The following FMN1 variants were observed in gnomAD, a reference collection of about 807,000 sequenced individuals.
FMN1 encodes formin-1.
In FMN1, 110 loss-of-function variants were observed where a neutral mutation model predicts 132.4. The ratio of observed to expected loss-of-function variants is 0.83; its 90% CI spans 0.71 to 0.97. FMN1 has a LOEUF of 0.97. FMN1 is among the 50% of genes least tolerant of loss of function. FMN1 has a pLI of 0.00. For synonymous variants in FMN1, 722 were observed against 651.7 expected (o/e 1.11, Z -1.64); for missense variants, 1,792 against 1,705.3 (o/e 1.05, Z -0.90).
At chr15:32,916,344 A>T (rs2060683266) in intron 10 of FMN1, among the ~76,000 whole-genome samples, 1 of 152,222 alleles carries the variant, frequency 6.6e-6, no homozygotes. Context: ...CCATGCCCAT[A>T]TAAACAAAGA....
chr15:33,125,397 G>T (rs993293999), intron 4 of FMN1, among the ~76,000 whole-genome samples: 7 of 152,072 alleles, frequency 4.6e-5, no homozygotes, highest in African/African-American at 1.7e-4. Flanking sequence ...TTGAAGAAAG[G>T]TAGACTCTTC....
rs561592897 is a variant in FMN1 at position 32,977,513 on chromosome 15, T to G, written c.2224-8036A>C. ...TCAAAGACTTGAGTTCTATTCCTGG[T>G]TATCTCAATCATTAGTTACTTGCTC... On this transcript the variant is annotated intron_variant, in intron 7 of 20. Coordinates refer to ENST00000616417, the MANE Select transcript of FMN1 (RefSeq NM_001277313.2). 9.2e-5 allele frequency among the ~76,000 whole-genome samples: 14 copies of G among 152,358 alleles called. No homozygotes were observed. In the South Asian group the frequency reaches 2.7e-3, roughly 29 times the overall value.
At chr15:33,124,818 A>C (rs1414242116) in intron 4 of FMN1, among the ~76,000 whole-genome samples, 1 of 151,062 alleles carries the variant, frequency 6.6e-6, no homozygotes, top group African/African-American at 2.4e-5. Context: ...ATTCAATACT[A>C]GATGAAAAAA....
At chr15:32,893,835 T>C (rs193102754) in intron 15 of FMN1, among the ~76,000 whole-genome samples, 8 of 152,344 alleles carry the variant, frequency 5.3e-5, no homozygotes, top group Admixed American at 5.2e-4. Context: ...ACCACAACTA[T>C]ATTCCACAGG....
At chr15:33,064,779 G>A (rs998219896) in intron 6 of FMN1, 178 bp downstream of exon 6, 2 of 444,260 alleles carry the variant, frequency 4.5e-6, no homozygotes, top group Non-Finnish European at 8.0e-6. Context: ...ATCTTTCAGA[G>A]GCTCGTTAAC....
At chr15:32,891,341 G>A (rs772198105) in intron 15 of FMN1, among the ~76,000 whole-genome samples, 75 of 152,256 alleles carry the variant, frequency 4.9e-4, no homozygotes, top group Middle Eastern at 3.4e-3. Context: ...TCTACCTCCC[G>A]GGTTCACGCC....
intron 15 of FMN1, among the ~76,000 whole-genome samples, chr15:32,893,599 A>C (rs2060084699): frequency 6.6e-6 from 1 of 152,252 alleles, no homozygotes; most frequent in Non-Finnish European, 1.5e-5. Context: ...CATCACCACT[A>C]ACCAAAAAAG....
At chr15:33,137,305 C>T (rs12442498) in intron 4 of FMN1, among the ~76,000 whole-genome samples, 56,583 of 151,948 alleles carry the variant, frequency 0.37, 11,783 homozygotes, top group South Asian at 0.49. Context: ...GGGACCTTCA[C>T]TGTTGCCTGC....
chr15:33,043,530 CCT>C (rs1422329573), intron 6 of FMN1, among the ~76,000 whole-genome samples: 4 of 152,208 alleles, frequency 2.6e-5, no homozygotes, highest in African/African-American at 7.2e-5. Context: ...CTGGGGACTC[CCT>C]GATTCACGAA....
chr15:33,091,735 A>G (rs1416596197), intron 4 of FMN1, among the ~76,000 whole-genome samples: 1 of 152,238 alleles, frequency 6.6e-6, no homozygotes, highest in Non-Finnish European at 1.5e-5. Flanking sequence ...TCAGTCAAAA[A>G]TAAAGCACGT....
intron 8 of FMN1, among the ~76,000 whole-genome samples, chr15:32,968,140 G>A (rs1323729854): frequency 2.0e-5 from 3 of 152,224 alleles, no homozygotes; most frequent in Non-Finnish European, 2.9e-5. Flanking sequence ...AGGAAGATGT[G>A]AGAGTACTTA....
chr15:32,986,471 T>C (rs1393967723), intron 7 of FMN1, among the ~76,000 whole-genome samples: 4 of 152,166 alleles, frequency 2.6e-5, no homozygotes, highest in African/African-American at 9.6e-5. Flanking sequence ...TCTGATGTAA[T>C]ATTTAAAAAC....
chr15:32,796,678 G>C (rs2057300864), intron 19 of FMN1, among the ~76,000 whole-genome samples: 1 of 152,174 alleles, frequency 6.6e-6, no homozygotes, highest in Middle Eastern at 3.2e-3. Flanking sequence ...TAACAGGAAA[G>C]AAGCTAAAAT....
intron 4 of FMN1, among the ~76,000 whole-genome samples, chr15:33,093,375 G>A (rs1337377593): frequency 6.6e-6 from 1 of 152,166 alleles, no homozygotes. Context: ...GTACTTACCA[G>A]CAAGAAAGAC....
intron 6 of FMN1, among the ~76,000 whole-genome samples, chr15:33,033,251 T>G (rs549723433): frequency 9.9e-5 from 15 of 152,078 alleles, no homozygotes; most frequent in African/African-American, 3.6e-4. Context: ...AGGATAGTCT[T>G]GATCTCCTGA....
intron 17 of FMN1, among the ~76,000 whole-genome samples, chr15:32,835,623 G>T (rs1193387885): frequency 6.9e-6 from 1 of 144,902 alleles, no homozygotes; most frequent in Admixed American, 6.7e-5. Context: ...AGATGTTATG[G>T]GGTGATTCCA....
intron 5 of FMN1, among the ~76,000 whole-genome samples, chr15:33,076,350 C>T (rs1342727596): frequency 1.3e-5 from 2 of 152,230 alleles, no homozygotes; most frequent in Admixed American, 6.5e-5. Flanking sequence ...ATATTCCCTT[C>T]TTCTCATGCA....
At chr15:32,881,602 G>C (rs1244886797) in intron 16 of FMN1, among the ~76,000 whole-genome samples, 1 of 152,088 alleles carries the variant, frequency 6.6e-6, no homozygotes, top group Non-Finnish European at 1.5e-5. Context: ...TTGTTTATGG[G>C]CCATGTTTTA....
At chr15:32,847,860 A>C (rs1287111919) in intron 17 of FMN1, among the ~76,000 whole-genome samples, 1 of 152,194 alleles carries the variant, frequency 6.6e-6, no homozygotes, top group Non-Finnish European at 1.5e-5. Context: ...ATCTCAAAAA[A>C]ACAAACAAAC....
Sources: gnomAD v4.1 joint callset for allele counts (sites outside exome capture counted in the v4.1 genomes callset) on GRCh38, gnomAD v4.1.1 for gene constraint, MANE v1.5 for transcripts, NCBI Gene and HGNC (gene_info 2026-07-23, HGNC 2026-07-21) for gene names.